RGL3: variants seen among roughly 807,000 people sequenced by gnomAD.
RGL3 encodes ral guanine nucleotide dissociation stimulator-like 3.
In RGL3, 85 loss-of-function variants were observed where a neutral mutation model predicts 90.6. The ratio of observed to expected loss-of-function variants is 0.94; its 90% CI spans 0.79 to 1.12. RGL3 has a LOEUF of 1.12. Ranked by LOEUF, RGL3 falls within the 50% of genes most tolerant of loss-of-function variation. The pLI is 0.00. For missense variants in RGL3, 1,034 were observed against 939.2 expected, an observed-to-expected ratio of 1.10 and a Z score of -1.32; for synonymous variants, 408 against 385.5, an observed-to-expected ratio of 1.06 and a Z score of -0.68.
rs1177862352 is a variant in RGL3 at position 11,414,175 on chromosome 19, ATACACC to A, written c.637+1756_637+1761del. 2.0e-4 allele frequency among the ~76,000 whole-genome samples: 18 copies of A among 89,972 alleles called. No homozygotes were observed. The South Asian group carries it at 3.0e-3, about 15-fold the overall frequency. 59.0% of individuals were successfully genotyped at this position (89,972 alleles called of 152,430 possible). ...TATATATATATATATATATATATATATACACCTATATATATATACCTTTATATATAT... is the reference window on the plus strand; with the variant it reads ...TATATATATATATATATATATATATATATATATATATACCTTTATATATAT... On this transcript the variant is annotated intron_variant, in intron 5 of 18. Transcript: ENST00000380456.
At chr19:11,406,992 T>A in intron 5 of RGL3, 128 bp from the exon 6 acceptor site, 13 of 752,468 alleles carry the variant, frequency 1.7e-5, no homozygotes, top group Admixed American at 3.7e-5. Context: ...TCTCTTAAAT[T>A]TTTTTTTTTT....
chr19:11,418,531 A>G, intron 2 of RGL3, 140 bp downstream of exon 2: 1 of 573,170 alleles, frequency 1.7e-6, no homozygotes, highest in Non-Finnish European at 2.9e-6. Flanking sequence ...TCCCCTTTCT[A>G]CCTGGTCGCC....
chr19:11,416,778 G>A lies in RGL3; in HGVS notation c.371+58C>T, dbSNP rs778737991. 1.2e-5 allele frequency: 19 copies of A among 1,597,530 alleles called. No individual in the cohort carries two copies. In the East Asian group the frequency reaches 1.8e-4, roughly 15 times the overall value. On this transcript the variant is annotated intron_variant, in intron 3 of 18. Transcript: ENST00000380456. ...GGTTCCACACCTGAGGAGGTGGAGGGGGGTGCCCAGTTGGGGTTCTAGGGT... is the reference window on the plus strand; with the variant it reads ...GGTTCCACACCTGAGGAGGTGGAGGAGGGTGCCCAGTTGGGGTTCTAGGGT...
chr19:11,399,289 G>A (rs1046394938), intron 16 of RGL3, among the ~76,000 whole-genome samples: 1 of 151,426 alleles, frequency 6.6e-6, no homozygotes, highest in Non-Finnish European at 1.5e-5. Context: ...AGTGTAGGCT[G>A]GGTGCGGTGG....
In RGL3 at chr19:11,418,730, A is replaced by C; in HGVS notation, c.88T>G (p.Ser30Ala). The C allele has an allele frequency of 6.3e-7, 1 of 1,578,374 alleles. No individual in the cohort carries two copies. Among genetic ancestry groups the C allele is most frequent in the Middle Eastern group, 1.7e-4 (1 of 5,994 alleles). ...CGCTGACTGCGCTGCCGCCGCAGGG[A>C]GACACTGTACACCGCGCCGTCCTCG... ...ETEDGAVYSV[S>A]LRRQRSQRRS... The change falls in exon 2 of 19, where the codon TCC becomes GCC. Residue 30 changes from serine (S) to alanine (A), a missense_variant. Coordinates refer to ENST00000380456, the MANE Select transcript of RGL3 (RefSeq NM_001035223.4).
chr19:11,397,462 G>C lies in RGL3; in HGVS notation c.1882C>G (p.Leu628Val). 1.2e-6 allele frequency: 2 copies of C among 1,610,862 alleles called. No individual in the cohort carries two copies. The highest frequency in any genetic ancestry group is 1.7e-6 in the Non-Finnish European group (2 of 1,177,960). Residue 628 changes from leucine to valine, a missense_variant, in exon 17 of 19, where the codon CTG becomes GTG. Leu to Val is a conservative substitution (Grantham distance 32). Coordinates refer to ENST00000380456, the MANE Select transcript of RGL3 (RefSeq NM_001035223.4). ...RVSIDNDHGN[L>V]YRSILLTSQD... ...CCCCTCACCAAGATGCTTCGATACA[G>C]GTTCCCGTGGTCATTGTCGATGCTG... is the stretch of plus-strand genomic sequence containing the variant.
intron 2 of RGL3, among the ~76,000 whole-genome samples, chr19:11,418,217 C>T (rs1470571640): frequency 1.5e-5 from 2 of 129,816 alleles, no homozygotes; most frequent in Non-Finnish European, 3.3e-5. Flanking sequence ...CTCTCCCGTC[C>T]CCTCCCCCTC....
intron 7 of RGL3, among the ~76,000 whole-genome samples, chr19:11,405,951 A>G (rs189907228): frequency 1.7e-4 from 26 of 151,006 alleles, no homozygotes; most frequent in African/African-American, 5.6e-4. Flanking sequence ...GCTGGTCTCA[A>G]ACTCAAGGGC....
At chr19:11,415,073 T>C (rs1353542360) in intron 5 of RGL3, among the ~76,000 whole-genome samples, 1 of 151,258 alleles carries the variant, frequency 6.6e-6, no homozygotes, top group African/African-American at 2.4e-5. Flanking sequence ...GAGGTTGCAG[T>C]GAGCCAAGAT....
rs973396380 is a variant in RGL3, at chr19:11,402,326, G to A, written c.1330-79C>T. The A allele has an allele frequency of 1.0e-5, 16 of 1,598,032 alleles. No homozygotes were observed. In the African/African-American group the frequency reaches 2.1e-4, roughly 21 times the overall value. On this transcript the variant is annotated intron_variant, in intron 11 of 18. Transcript: ENST00000380456. ...AAGGTCAGGGGCTGGGATGTCAGGA[G>A]CCCCACTGTAGTAAGGGAGTGTGGG...
chr19:11,395,266 C>T (rs1968545464), intron 18 of RGL3, among the ~76,000 whole-genome samples: 1 of 152,010 alleles, frequency 6.6e-6, no homozygotes, highest in Non-Finnish European at 1.5e-5. Flanking sequence ...AATAACTTCC[C>T]ACTTCCAGCC....
At chr19:11,415,798 T>G in intron 5 of RGL3, 139 bp downstream of exon 5, 1 of 812,592 alleles carries the variant, frequency 1.2e-6, no homozygotes, top group Non-Finnish European at 1.9e-6. Flanking sequence ...ATCCCCATTG[T>G]AAAGATGAAG....
At chr19:11,395,335 T>A (rs549927433) in intron 18 of RGL3, among the ~76,000 whole-genome samples, 1 of 152,266 alleles carries the variant, frequency 6.6e-6, no homozygotes, top group South Asian at 2.1e-4. Flanking sequence ...CCTTTCCTAA[T>A]ATCCAGCCAA....
chr19:11,402,446 G>A lies in RGL3; in HGVS notation c.1329+9C>T, dbSNP rs532309478. ...GCTGGGGTCAGGGGTCAAGGGTCAG[G>A]GGTCAGACCTCCAACATATCCGGCA... On this transcript the variant is annotated intron_variant, in intron 11 of 18. Coordinates refer to ENST00000380456, the MANE Select transcript of RGL3 (RefSeq NM_001035223.4). 1.1e-4 allele frequency: 181 copies of A among 1,597,018 alleles called. 1 individual carries two copies. In the Middle Eastern group the frequency reaches 1.3e-3, roughly 12 times the overall value.
chr19:11,412,280 CAAAAAA>C (rs35289278), intron 5 of RGL3, among the ~76,000 whole-genome samples: 3 of 65,622 alleles, frequency 4.6e-5, no homozygotes, highest in Non-Finnish European at 9.5e-5. Flanking sequence ...AACTCCGTCT[CAAAAAA>C]AAAAAAAAAA....
Position 11,405,398 on chromosome 19 carries a change from G to T in RGL3, c.1025C>A (p.Ser342Tyr). Residue 342 changes from serine to tyrosine, a missense_variant, in exon 8 of 19, where the codon TCC (serine) becomes TAC (tyrosine). Physicochemically the swap from Ser to Tyr is moderately radical, Grantham distance 144. Transcript: ENST00000380456. ...QRCRELRNFSSLRAILSALQS... is the reference protein window; with the variant it reads ...QRCRELRNFSYLRAILSALQS... Reference sequence around the variant, plus strand: ...CAGGGCGGACAGGATGGCGCGCAAGGAGGAGAAGTTCCGCAGTTCTCGGCA... The same window carrying T: ...CAGGGCGGACAGGATGGCGCGCAAGTAGGAGAAGTTCCGCAGTTCTCGGCA... 6.2e-7 allele frequency: 1 copy of T among 1,601,824 alleles called. No homozygotes were observed. Among genetic ancestry groups the T allele is most frequent in the Non-Finnish European group, 8.5e-7 (1 of 1,174,254 alleles).
chr19:11,401,919 G>T, intron 13 of RGL3, 92 bp downstream of exon 13: 1 of 1,463,150 alleles, frequency 6.8e-7, no homozygotes. Context: ...GGGGTCTTGG[G>T]AGGAGCTGGA....
intron 18 of RGL3, among the ~76,000 whole-genome samples, chr19:11,396,440 G>A (rs140810642): frequency 6.6e-6 from 1 of 151,270 alleles, no homozygotes; most frequent in Non-Finnish European, 1.5e-5. Flanking sequence ...AAAGTGCCGG[G>A]ATTACAGGCG....
chr19:11,395,874 G>A (rs532729605), intron 18 of RGL3, among the ~76,000 whole-genome samples: 116 of 150,410 alleles, frequency 7.7e-4, no homozygotes, highest in African/African-American at 2.7e-3. Flanking sequence ...TGATCCACCC[G>A]CCTCGGCCTC....
Sources: allele counts gnomAD v4.1 joint callset (sites outside exome capture counted in the v4.1 genomes callset), GRCh38; gene constraint gnomAD v4.1.1; transcripts MANE v1.5; gene names NCBI Gene and HGNC (gene_info 2026-07-23, HGNC 2026-07-21).